CP: variants seen among roughly 807,000 people sequenced by gnomAD.
The protein encoded by CP is ceruloplasmin.
In CP, 64 loss-of-function variants were observed where a neutral mutation model predicts 122.4. The observed-to-expected ratio is 0.52, with a 90% CI of 0.43 to 0.64. The LOEUF is 0.64. CP is among the 30% of genes least tolerant of loss of function. The pLI is 0.00. For missense variants in CP, 1,167 were observed against 1,284.4 expected (o/e 0.91, Z 1.40); for synonymous variants, 440 against 436.4 (o/e 1.01, Z -0.10).
intron 16 of CP, among the ~76,000 whole-genome samples, 193 bp from the exon 17 acceptor site, chr3:149,178,172 A>G (rs1725542772): frequency 6.6e-6 from 1 of 152,202 alleles, no homozygotes. Flanking sequence ...TTTGCACCAA[A>G]AGCCTTAATC....
At chr3:149,180,679 TC>T (rs1189243589) in intron 14 of CP, among the ~76,000 whole-genome samples, 2 of 152,212 alleles carry the variant, frequency 1.3e-5, no homozygotes, top group Non-Finnish European at 2.9e-5. Flanking sequence ...TGTTCCTATG[TC>T]CTCACCCTTT....
chr3:149,201,718 C>A (rs1211592566), intron 7 of CP, among the ~76,000 whole-genome samples: 1 of 152,058 alleles, frequency 6.6e-6, no homozygotes, highest in East Asian at 1.9e-4. Context: ...AGCATCGAGG[C>A]ACAAGAAACT....
downstream of CP, chr3:149,167,967 C>T (rs917888974): frequency 3.8e-6 from 6 of 1,576,244 alleles, no homozygotes; most frequent in Admixed American, 1.7e-5. Context: ...ATCAACTCTA[C>T]CTGTCATCAT....
At chr3:149,221,041 AT>A (rs35334247) in intron 1 of CP, among the ~76,000 whole-genome samples, 1 of 152,106 alleles carries the variant, frequency 6.6e-6, no homozygotes, top group Non-Finnish European at 1.5e-5. Context: ...AGTACCTGAC[AT>A]TTTTTTATGC....
At chr3:149,167,699 C>T (rs117520087), downstream of CP, among the ~76,000 whole-genome samples, 4 of 152,168 alleles carry the variant, frequency 2.6e-5, no homozygotes, top group South Asian at 4.1e-4. Flanking sequence ...TTTCAAGTTA[C>T]GAACCTGACT....
At chr3:149,219,538 A>G (rs1354509133) in intron 1 of CP, among the ~76,000 whole-genome samples, 1 of 152,248 alleles carries the variant, frequency 6.6e-6, no homozygotes, top group Non-Finnish European at 1.5e-5. Flanking sequence ...GGCTGCTGCC[A>G]TGTAAGACGT....
chr3:149,163,868 A>G, intron 5 of CP: 1 of 1,573,204 alleles, frequency 6.4e-7, no homozygotes. Context: ...ATTATGGCTT[A>G]ATTTATCCAT....
exon 6 of CP, chr3:149,162,777 G>A (rs1400736402): frequency 3.7e-6 from 6 of 1,613,866 alleles, no homozygotes; most frequent in Non-Finnish European, 5.1e-6. Context: ...CCCAGATGTG[G>A]TACTTCAGGA....
At chr3:149,209,822 A>C (rs1201305667) in intron 3 of CP, among the ~76,000 whole-genome samples, 1 of 152,220 alleles carries the variant, frequency 6.6e-6, no homozygotes, top group African/African-American at 2.4e-5. Context: ...TAGTATGAGT[A>C]ACTACAGATC....
At chr3:149,177,731 T>A in intron 17 of CP, 109 bp downstream of exon 17, 1 of 1,143,858 alleles carries the variant, frequency 8.7e-7, no homozygotes, top group Non-Finnish European at 1.3e-6. Context: ...AAGCACCGGC[T>A]GTACTCTTTG....
intron 8 of CP, among the ~76,000 whole-genome samples, chr3:149,199,112 T>G (rs2108270583): frequency 6.6e-6 from 1 of 152,300 alleles, no homozygotes; most frequent in African/African-American, 2.4e-5. Flanking sequence ...TCTTCACTGG[T>G]CCTTCTTGAT....
At chr3:149,208,147 G>A (rs1021798740) in intron 4 of CP, among the ~76,000 whole-genome samples, 2 of 151,982 alleles carry the variant, frequency 1.3e-5, no homozygotes, top group Non-Finnish European at 2.9e-5. Context: ...AGATATGAAG[G>A]AGGGAAAAAA....
At chr3:149,190,236 G>A (rs544456200) in intron 9 of CP, among the ~76,000 whole-genome samples, 1 of 152,192 alleles carries the variant, frequency 6.6e-6, no homozygotes, top group East Asian at 1.9e-4. Flanking sequence ...TTAGAAATGA[G>A]AAAGGAATAT....
intron 2 of CP, among the ~76,000 whole-genome samples, chr3:149,210,988 C>T (rs1000594688): frequency 6.6e-6 from 1 of 152,098 alleles, no homozygotes; most frequent in African/African-American, 2.4e-5. Flanking sequence ...AGATAGGAAC[C>T]CTTTTTTTCT....
At chr3:149,176,756 C>G in intron 17 of CP, 1 of 238,200 alleles carries the variant, frequency 4.2e-6, no homozygotes, top group South Asian at 5.8e-5. Context: ...CAGCCCTAGC[C>G]TCACTTTTGC....
chr3:149,182,073 G>A lies in CP; in HGVS notation c.2486C>T (p.Thr829Ile). 6.2e-7 allele frequency: 1 copy of A among 1,611,284 alleles called. No homozygotes were observed. Among genetic ancestry groups the A allele is most frequent in the Non-Finnish European group, 8.5e-7 (1 of 1,179,066 alleles). Residue 829 changes from threonine (T) to isoleucine (I), a missense_variant, in exon 14 of 19, where the codon ACA (threonine) becomes ATA (isoleucine). Physicochemically the swap from Thr to Ile is moderately conservative, Grantham distance 89 (BLOSUM62 -1). Around this residue, in one of 2 missense-constraint regions of CP, gnomAD observed 525 missense variants for 657.2 expected, o/e 0.80. Transcript: ENST00000264613. The part of the protein sequence containing the change: ...KVKIIFKNMA[T>I]RPYSIHAHGV... ...ATGGGCATGTATTGAGTAGGGCCTT[G>A]TGGCCATGTTTTTAAAGATAATTTT... is the stretch of plus-strand genomic sequence containing the variant.
intron 13 of CP, among the ~76,000 whole-genome samples, chr3:149,182,926 G>A (rs550109446): frequency 5.3e-5 from 8 of 152,070 alleles, no homozygotes; most frequent in South Asian, 2.1e-4. Context: ...TGAGGTGGGC[G>A]GATCACTTGA....
Position 149,176,155 on chromosome 3 carries a change from T to C in CP, c.3181+95A>G, listed in dbSNP as rs745726769. 4.5e-4 allele frequency: 522 copies of C among 1,156,082 alleles called. 2 individuals are homozygous for C. The highest frequency in any genetic ancestry group is 8.5e-4 in the Middle Eastern group (3 of 3,528). 71.6% of individuals were successfully genotyped at this position (1,156,082 alleles called of 1,614,324 possible). ...GCAGCAGATTCACAAATGCTTCATA[T>C]TGATGCATCATATTGGGGGAAGTAT... On this transcript the variant is annotated intron_variant, in intron 18 of 18. Transcript: ENST00000264613.
At chr3:149,207,328 C>T (rs770572830) in intron 5 of CP, 35 bp downstream of exon 5, 1 of 1,613,420 alleles carries the variant, frequency 6.2e-7, no homozygotes. Flanking sequence ...CCACCTTTTT[C>T]AGCTGACTGC....
Sources: allele counts gnomAD v4.1 joint callset (sites outside exome capture counted in the v4.1 genomes callset), GRCh38; gene constraint gnomAD v4.1.1; regional missense constraint gnomAD v4.1.1; transcripts MANE v1.5; gene names NCBI Gene and HGNC (gene_info 2026-07-23, HGNC 2026-07-21).